The following AEBP2 variants were observed in gnomAD, a reference collection of about 807,000 sequenced individuals.
AEBP2 encodes zinc finger protein AEBP2.
Under a neutral mutation model 50.8 loss-of-function variants are expected in AEBP2, and 10 were observed. The observed-to-expected ratio is 0.20, with a 90% CI of 0.12 to 0.33. AEBP2 has a LOEUF of 0.33. AEBP2 is among the 10% of genes least tolerant of loss of function. AEBP2 has a pLI of 1.00. For synonymous variants in AEBP2, 296 were observed against 261.3 expected, an observed-to-expected ratio of 1.13 and a Z score of -1.28; for missense variants, 570 against 688.0, an observed-to-expected ratio of 0.83 and a Z score of 1.92.
At chr12:19,465,061 CTTGA>C (rs1355086652) in intron 2 of AEBP2, among the ~76,000 whole-genome samples, 2 of 152,042 alleles carry the variant, frequency 1.3e-5, no homozygotes, top group Non-Finnish European at 2.9e-5. Context: ...AAAAATATCA[CTTGA>C]TTACCAATAA....
intron 1 of AEBP2, among the ~76,000 whole-genome samples, chr12:19,451,048 G>T (rs1948159227): frequency 6.6e-6 from 1 of 151,952 alleles, no homozygotes; most frequent in Non-Finnish European, 1.5e-5. Flanking sequence ...TAATTTATCT[G>T]AAAGAAAAGG....
intron 2 of AEBP2, among the ~76,000 whole-genome samples, chr12:19,464,541 G>A (rs1399086779): frequency 6.6e-6 from 1 of 151,798 alleles, no homozygotes; most frequent in Non-Finnish European, 1.5e-5. Flanking sequence ...AAAAAATGCA[G>A]TTACAGTCTG....
At position 19,519,578 on chromosome 12, in the gene AEBP2, T is replaced by C. The variant is rs1324406297; in HGVS notation, c.*1461T>C. The C allele has an allele frequency of 6.6e-6, 1 of 152,592 alleles. No individual in the cohort carries two copies. The highest frequency in any genetic ancestry group is 1.5e-5 in the Non-Finnish European group (1 of 67,988). 9.5% of individuals were successfully genotyped at this position (152,592 alleles called of 1,614,324 possible). ...TTGTAAAGTATGTGGTTATATGCAG[T>C]GAAACTGCAGAAAATACTCCTGGTT... On this transcript the variant is annotated 3_prime_UTR_variant, in exon 8 of 8. Transcript: ENST00000266508.
Position 19,466,122 on chromosome 12 carries a change from T to C in AEBP2, c.879+3405T>C, listed in dbSNP as rs150873915. On this transcript the variant is annotated intron_variant, in intron 2 of 7. Coordinates refer to ENST00000266508, the MANE Select transcript of AEBP2 (RefSeq NM_153207.5). ...ACCATGCCTAGCGGGTTTTGTCTTT[T>C]GAAGAGTAGTTGTTGGTAGGAACAT... 3.5e-3 allele frequency among the ~76,000 whole-genome samples: 526 copies of C among 152,174 alleles called. 3 individuals are homozygous for C. The highest frequency in any genetic ancestry group is 5.7e-3 in the Non-Finnish European group (391 of 68,008).
In AEBP2 at chr12:19,440,037, G is replaced by C; in HGVS notation, c.338G>C (p.Ser113Thr). The C allele has an allele frequency of 6.6e-7, 1 of 1,524,400 alleles. No homozygotes were observed. The highest frequency in any genetic ancestry group is 8.8e-7 in the Non-Finnish European group (1 of 1,141,776). 94.4% of individuals were successfully genotyped at this position (1,524,400 alleles called of 1,614,324 possible). A position where few individuals can be genotyped will look rare whatever the true frequency, so the allele number is the denominator to read the frequency against. Residue 113 changes from serine (S) to threonine (T), a missense_variant, in exon 1 of 8, where the codon AGC becomes ACC. Transcript: ENST00000266508. Reference protein sequence around the residue: ...DEEEEDESSSSGGGEEESSAE... With the variant: ...DEEEEDESSSTGGGEEESSAE... The stretch of plus-strand genomic sequence containing the variant: ...GAGGAGGAAGATGAGAGCAGCAGCA[G>C]CGGCGGGGGTGAGGAGGAGAGTAGC...
intron 2 of AEBP2, among the ~76,000 whole-genome samples, chr12:19,471,546 C>A (rs1388404172): frequency 2.6e-5 from 4 of 151,826 alleles, no homozygotes; most frequent in Non-Finnish European, 2.9e-5. Flanking sequence ...GTGTCACCTA[C>A]ACTGGAGTGC....
chr12:19,489,414 C>T (rs923233937), intron 3 of AEBP2, among the ~76,000 whole-genome samples: 4 of 152,130 alleles, frequency 2.6e-5, no homozygotes, highest in Non-Finnish European at 5.9e-5. Context: ...GGGAAACCGC[C>T]CCCGCCATGA....
Position 19,427,100 on chromosome 12 carries a change from C to T in AEBP2, c.-17+22884C>T, listed in dbSNP as rs1461711399. On this transcript the variant is annotated intron_variant, in intron 1 of 3. Coordinates refer to the AEBP2 transcript ENST00000538425. Reference sequence around the variant, plus strand: ...ATAGAATAAAAAGGCAGAGGAAGGTCGGGCACGGTGGCTTATGCCGCCTGT... The same window carrying T: ...ATAGAATAAAAAGGCAGAGGAAGGTTGGGCACGGTGGCTTATGCCGCCTGT... Among the ~76,000 whole-genome samples, 10 of 151,888 alleles carry T rather than the reference C, an allele frequency of 6.6e-5. No homozygotes were observed. The East Asian group carries it at 9.7e-4, about 15-fold the overall frequency.
intron 1 of AEBP2, among the ~76,000 whole-genome samples, chr12:19,417,741 G>C (rs370535032): frequency 6.7e-6 from 1 of 148,902 alleles, no homozygotes; most frequent in Non-Finnish European, 1.5e-5. Context: ...GTCTCACTCT[G>C]TTGCTTAGGC....
rs955969258 is a variant in AEBP2, at chr12:19,417,659, C to T, written c.-17+13443C>T. ...TTGGCCTCAAGTGATCCTCTTGCCT[C>T]AGCCTCCCAAAGTGCTGGGATAACA... On this transcript the variant is annotated intron_variant, in intron 1 of 3. Transcript: ENST00000538425. 4.0e-4 allele frequency among the ~76,000 whole-genome samples: 61 copies of T among 151,678 alleles called. 5 individuals are homozygous for T. Among genetic ancestry groups the T allele is most frequent in the Non-Finnish European group, 2.9e-5 (2 of 68,000 alleles).
Position 19,420,994 on chromosome 12 carries a change from C to T in AEBP2, c.-17+16778C>T, listed in dbSNP as rs994662440. ...TATTTAAGGTTGAGATTCAGAAAAT[C>T]TTCTCAGTTTCTTCATGGCTGAAGA... On this transcript the variant is annotated intron_variant, in intron 1 of 3. Coordinates refer to the AEBP2 transcript ENST00000538425. Among the ~76,000 whole-genome samples the T allele has an allele frequency of 1.2e-4, 18 of 152,252 alleles. No individual in the cohort carries two copies. In the East Asian group the frequency reaches 3.5e-3, roughly 29 times the overall value.
At chr12:19,475,911 A>G (rs1948642732) in intron 3 of AEBP2, among the ~76,000 whole-genome samples, 1 of 152,106 alleles carries the variant, frequency 6.6e-6, no homozygotes, top group Non-Finnish European at 1.5e-5. Context: ...GTGCCTTGTC[A>G]ATTTTGAACA....
At position 19,520,947 on chromosome 12, in the gene AEBP2, T is replaced by C. The variant is rs760287018; in HGVS notation, c.*2830T>C. On this transcript the variant is annotated 3_prime_UTR_variant, in exon 8 of 8. Transcript: ENST00000266508. Reference sequence around the variant, plus strand: ...GTTTCATGCACAAAATTATTAAAACTGTTGTATAAAATTACCTTCAGTCTA... The same window carrying C: ...GTTTCATGCACAAAATTATTAAAACCGTTGTATAAAATTACCTTCAGTCTA... 1.3e-5 allele frequency: 2 copies of C among 152,164 alleles called. No individual in the cohort carries two copies. Among genetic ancestry groups the C allele is most frequent in the African/African-American group, 2.4e-5 (1 of 41,438 alleles). 9.4% of individuals were successfully genotyped at this position (152,164 alleles called of 1,614,324 possible). A position where few individuals can be genotyped will look rare whatever the true frequency, so the allele number is the denominator to read the frequency against.
At chr12:19,442,776 A>C (rs1287209204) in intron 1 of AEBP2, among the ~76,000 whole-genome samples, 1 of 152,198 alleles carries the variant, frequency 6.6e-6, no homozygotes, top group African/African-American at 2.4e-5. Context: ...TAATAATCTT[A>C]ATTCTGAAAC....
intron 2 of AEBP2, among the ~76,000 whole-genome samples, chr12:19,472,318 A>C (rs952884582): frequency 3.3e-5 from 5 of 152,152 alleles, no homozygotes; most frequent in Admixed American, 2.6e-4. Flanking sequence ...CTTTCAAGAT[A>C]ATGATTCTTT....
intron 4 of AEBP2, among the ~76,000 whole-genome samples, chr12:19,497,620 A>AC (rs1160606623): frequency 1.3e-5 from 2 of 152,004 alleles, no homozygotes; most frequent in African/African-American, 4.8e-5. Flanking sequence ...CTACCGGCAC[A>AC]CACTACCATG....
intron 1 of AEBP2, among the ~76,000 whole-genome samples, chr12:19,459,173 G>A (rs1157381189): frequency 6.6e-6 from 1 of 152,200 alleles, no homozygotes; most frequent in Non-Finnish European, 1.5e-5. Context: ...TTTAAAGCAA[G>A]TGATAGGGAA....
At chr12:19,505,314 C>G (rs1296858167) in intron 5 of AEBP2, among the ~76,000 whole-genome samples, 1 of 152,196 alleles carries the variant, frequency 6.6e-6, no homozygotes, top group Admixed American at 6.5e-5. Flanking sequence ...TTTGTTCATT[C>G]ACTTATTAAA....
intron 1 of AEBP2, among the ~76,000 whole-genome samples, chr12:19,419,953 G>C (rs1470446178): frequency 6.6e-6 from 1 of 151,614 alleles, no homozygotes; most frequent in African/African-American, 2.4e-5. Flanking sequence ...ATTATCCTTG[G>C]TACGGTATCT....
Sources: allele counts gnomAD v4.1 joint callset (sites outside exome capture counted in the v4.1 genomes callset), GRCh38; gene constraint gnomAD v4.1.1; transcripts MANE v1.5; gene names NCBI Gene and HGNC (gene_info 2026-07-23, HGNC 2026-07-21).